The following INSL6 variants were observed in gnomAD, a reference collection of about 807,000 sequenced individuals.
INSL6 encodes the protein insulin-like peptide INSL6.
Under a neutral mutation model 9.4 loss-of-function variants are expected in INSL6, and 16 were observed. That is an observed-to-expected ratio of 1.70 (90% confidence interval 1.15 to 2.59). INSL6 has a LOEUF of 2.59. INSL6 is among the 30% of genes most tolerant of loss of function. INSL6 has a pLI of 0.00. For synonymous variants in INSL6, 154 were observed against 96.9 expected, an observed-to-expected ratio of 1.59 and a Z score of -3.46; for missense variants, 391 against 257.3, an observed-to-expected ratio of 1.52 and a Z score of -3.56.
chr9:5,100,861 A>G, the INSL6 span: 1 of 152,304 alleles, frequency 6.6e-6, no homozygotes, highest in Non-Finnish European at 1.5e-5. Context: ...TCATGTTATT[A>G]CTGGATCAAC....
the INSL6 span, among the ~76,000 whole-genome samples, chr9:5,016,755 C>G: frequency 2.0e-5 from 3 of 152,162 alleles, no homozygotes; most frequent in African/African-American, 4.8e-5. Context: ...TGCCCTCCCA[C>G]TATCCCAACC....
the INSL6 span, among the ~76,000 whole-genome samples, chr9:5,040,173 T>G: frequency 5.9e-5 from 9 of 152,308 alleles, no homozygotes; most frequent in East Asian, 3.9e-4. Flanking sequence ...GATTGATTTT[T>G]GATCAGGGTG....
the INSL6 span, chr9:5,081,791 G>A: frequency 1.9e-6 from 3 of 1,609,976 alleles, no homozygotes; most frequent in Non-Finnish European, 2.6e-6. Context: ...GGGTTTTCTG[G>A]TGCCTTTGAA....
chr9:5,035,114 A>T, the INSL6 span, among the ~76,000 whole-genome samples: 2 of 152,372 alleles, frequency 1.3e-5, no homozygotes, highest in East Asian at 3.9e-4. Context: ...CCTCTACATG[A>T]ATAAACTAGA....
the INSL6 span, among the ~76,000 whole-genome samples, chr9:5,062,558 G>A: frequency 3.5e-5 from 5 of 141,912 alleles, no homozygotes; most frequent in Admixed American, 6.9e-5. Flanking sequence ...AGCAATAAAG[G>A]GAAGTGCAGT....
the INSL6 span, among the ~76,000 whole-genome samples, chr9:4,998,525 G>A: frequency 1.3e-5 from 2 of 152,118 alleles, no homozygotes; most frequent in Non-Finnish European, 2.9e-5. Flanking sequence ...AAAGTGCTGG[G>A]ATTACAGGCA....
chr9:5,122,886 C>T (rs1823718217), downstream of INSL6: 2 of 613,286 alleles, frequency 3.3e-6, no homozygotes, highest in Non-Finnish European at 5.5e-6. Context: ...CTCAGGCCTG[C>T]TGTGATAACT....
chr9:5,135,303 A>G (rs1293516114), intron 2 of INSL6, among the ~76,000 whole-genome samples: 3 of 152,154 alleles, frequency 2.0e-5, no homozygotes, highest in African/African-American at 7.2e-5. Flanking sequence ...AAGGATATCC[A>G]GGACTTGAAC....
chr9:5,112,672 C>T, the INSL6 span: 11 of 946,248 alleles, frequency 1.2e-5, no homozygotes, highest in East Asian at 2.1e-4. Flanking sequence ...TGCACCAGGC[C>T]GTCTCGGTCA....
the INSL6 span, among the ~76,000 whole-genome samples, chr9:5,036,090 GACAA>G: frequency 2.0e-5 from 3 of 152,142 alleles, no homozygotes; most frequent in Admixed American, 6.5e-5. Context: ...ACCAATAACA[GACAA>G]ACAGAGAGCC....
the INSL6 span, among the ~76,000 whole-genome samples, chr9:5,046,060 A>G: frequency 6.6e-6 from 1 of 152,136 alleles, no homozygotes; most frequent in Non-Finnish European, 1.5e-5. Context: ...GCTTTGTTTG[A>G]TAATAGCCAT....
the INSL6 span, chr9:5,110,833 G>C: frequency 2.2e-6 from 1 of 453,438 alleles, no homozygotes; most frequent in Non-Finnish European, 4.3e-6. Flanking sequence ...CCGTTTGTTC[G>C]GGGAAGGTGG....
At chr9:5,076,060 G>A in the INSL6 span, among the ~76,000 whole-genome samples, 3 of 152,210 alleles carry the variant, frequency 2.0e-5, no homozygotes, top group African/African-American at 7.2e-5. Context: ...GGAGCTTGAA[G>A]ATGTGACTCA....
intron 1 of INSL6, among the ~76,000 whole-genome samples, chr9:5,183,680 T>C (rs908106685): frequency 1.3e-5 from 2 of 152,092 alleles, no homozygotes; most frequent in African/African-American, 4.8e-5. Context: ...AGCACAGTAT[T>C]TGATGTGAGA....
the INSL6 span, chr9:5,094,268 G>C: frequency 2.0e-5 from 3 of 152,082 alleles, no homozygotes; most frequent in African/African-American, 4.8e-5. Flanking sequence ...GACCCTCAAC[G>C]TCTACTGTTA....
At chr9:5,108,044 T>G in the INSL6 span, 1 of 152,124 alleles carries the variant, frequency 6.6e-6, no homozygotes, top group African/African-American at 2.4e-5. Flanking sequence ...ACCCTATTGT[T>G]TTTTAACCAA....
intron 2 of INSL6, among the ~76,000 whole-genome samples, chr9:5,145,149 G>A (rs971590119): frequency 6.6e-6 from 1 of 152,126 alleles, no homozygotes; most frequent in African/African-American, 2.4e-5. Context: ...CTTTTGTAAG[G>A]CAGGTCTAGT....
the INSL6 span, among the ~76,000 whole-genome samples, chr9:5,027,164 C>A: frequency 4.6e-5 from 7 of 152,298 alleles, no homozygotes; most frequent in African/African-American, 1.4e-4. Flanking sequence ...TTAAAAATAT[C>A]TGCTTGAAAG....
At chr9:5,058,124 A>C in the INSL6 span, among the ~76,000 whole-genome samples, 1 of 152,162 alleles carries the variant, frequency 6.6e-6, no homozygotes, top group East Asian at 1.9e-4. Flanking sequence ...ACTTTTTGAC[A>C]ATTGTGAGTA....
Sources: gnomAD v4.1 joint callset for allele counts (sites outside exome capture counted in the v4.1 genomes callset) on GRCh38, gnomAD v4.1.1 for gene constraint, MANE v1.5 for transcripts, NCBI Gene and HGNC (gene_info 2026-07-23, HGNC 2026-07-21) for gene names.